C7orf78: variants seen among roughly 807,000 people sequenced by gnomAD.
C7orf78 encodes the protein chromosome 7 open reading frame 78.
At chr7:12,495,478 T>C in the C7orf78 span, among the ~76,000 whole-genome samples, 1 of 152,190 alleles carries the variant, frequency 6.6e-6, no homozygotes, top group Non-Finnish European at 1.5e-5. Context: ...AAATATGTTA[T>C]TTTACTATCC....
the C7orf78 span, among the ~76,000 whole-genome samples, chr7:12,489,531 G>C: frequency 6.6e-6 from 1 of 152,062 alleles, no homozygotes; most frequent in Non-Finnish European, 1.5e-5. Context: ...AGGACATTAA[G>C]TTATAAACTA....
At chr7:12,510,651 G>T in the C7orf78 span, among the ~76,000 whole-genome samples, 1 of 152,030 alleles carries the variant, frequency 6.6e-6, no homozygotes, top group East Asian at 1.9e-4. Context: ...TAGTGATTTA[G>T]AGCAATTTTT....
the C7orf78 span, among the ~76,000 whole-genome samples, chr7:12,513,127 C>T: frequency 4.6e-5 from 7 of 151,836 alleles, no homozygotes; most frequent in Admixed American, 6.6e-5. Flanking sequence ...CCTTGTATTT[C>T]ATTGATTCTC....
chr7:12,504,369 G>T, the C7orf78 span: 1 of 152,166 alleles, frequency 6.6e-6, no homozygotes, highest in Non-Finnish European at 1.5e-5. Context: ...TCTGACTTGA[G>T]TCTGGTAGAA....
the C7orf78 span, among the ~76,000 whole-genome samples, chr7:12,504,797 A>G: frequency 1.3e-5 from 2 of 152,168 alleles, no homozygotes; most frequent in African/African-American, 2.4e-5. Context: ...CCTTTATACA[A>G]GTTTACAAAT....
At chr7:12,529,914 TC>T in the C7orf78 span, among the ~76,000 whole-genome samples, 5 of 152,198 alleles carry the variant, frequency 3.3e-5, no homozygotes, top group Non-Finnish European at 4.4e-5. Context: ...AGTTTTGCAG[TC>T]ATATTTACAC....
At chr7:12,492,940 T>G in the C7orf78 span, among the ~76,000 whole-genome samples, 2 of 152,324 alleles carry the variant, frequency 1.3e-5, no homozygotes, top group South Asian at 4.1e-4. Flanking sequence ...CGGTGGCTCA[T>G]GCCTATAATC....
chr7:12,536,811 G>T, the C7orf78 span, among the ~76,000 whole-genome samples: 1 of 152,216 alleles, frequency 6.6e-6, no homozygotes, highest in East Asian at 1.9e-4. Context: ...TAGGCCGGGG[G>T]CAAAATGCTG....
the C7orf78 span, among the ~76,000 whole-genome samples, chr7:12,519,994 C>G: frequency 6.6e-6 from 1 of 152,146 alleles, no homozygotes; most frequent in African/African-American, 2.4e-5. Context: ...CATTGGGTCT[C>G]CAGATGAACA....
At chr7:12,490,015 A>G in the C7orf78 span, among the ~76,000 whole-genome samples, 1 of 152,128 alleles carries the variant, frequency 6.6e-6, no homozygotes, top group Non-Finnish European at 1.5e-5. Flanking sequence ...TCACAATCTT[A>G]TATTTAGCCT....
chr7:12,497,988 C>G, the C7orf78 span, among the ~76,000 whole-genome samples: 1 of 151,960 alleles, frequency 6.6e-6, no homozygotes, highest in Non-Finnish European at 1.5e-5. Context: ...ACACCTCACA[C>G]TGCAGGGTAC....
At chr7:12,484,740 T>G in the C7orf78 span, among the ~76,000 whole-genome samples, 1 of 152,220 alleles carries the variant, frequency 6.6e-6, no homozygotes, top group Non-Finnish European at 1.5e-5. Flanking sequence ...AGAAAGCACG[T>G]TGTACTTTTA....
chr7:12,538,614 T>C, the C7orf78 span, among the ~76,000 whole-genome samples: 2 of 152,144 alleles, frequency 1.3e-5, no homozygotes, highest in Non-Finnish European at 2.9e-5. Context: ...CAACTTGCCC[T>C]AAGTCCCTGC....
chr7:12,517,053 G>T, the C7orf78 span, among the ~76,000 whole-genome samples: 37 of 152,108 alleles, frequency 2.4e-4, no homozygotes, highest in African/African-American at 8.4e-4. Flanking sequence ...GAGGGGCCAG[G>T]GGTGGAATGA....
At chr7:12,524,995 T>C in the C7orf78 span, among the ~76,000 whole-genome samples, 2 of 152,282 alleles carry the variant, frequency 1.3e-5, no homozygotes, top group East Asian at 3.9e-4. Flanking sequence ...CAGATGTCAG[T>C]ATTGTTACAA....
the C7orf78 span, chr7:12,487,131 T>C: frequency 6.6e-6 from 1 of 152,072 alleles, no homozygotes; most frequent in Non-Finnish European, 1.5e-5. Context: ...TAACTCTTTT[T>C]TCTACAAATA....
chr7:12,495,063 G>T, the C7orf78 span, among the ~76,000 whole-genome samples: 1 of 152,166 alleles, frequency 6.6e-6, no homozygotes, highest in East Asian at 1.9e-4. Flanking sequence ...TTGCTCTGTG[G>T]TAAAGGAGAA....
At chr7:12,539,380 C>T in the C7orf78 span, among the ~76,000 whole-genome samples, 1 of 152,124 alleles carries the variant, frequency 6.6e-6, no homozygotes, top group Non-Finnish European at 1.5e-5. Context: ...AGGAGAATGG[C>T]ATGAACCTGG....
At chr7:12,510,846 T>C in the C7orf78 span, among the ~76,000 whole-genome samples, 16 of 152,192 alleles carry the variant, frequency 1.1e-4, no homozygotes, top group African/African-American at 3.6e-4. Flanking sequence ...CTGTAGATTA[T>C]CCCATCACTC....
Sources: allele counts gnomAD v4.1 joint callset (sites outside exome capture counted in the v4.1 genomes callset), GRCh38; gene constraint gnomAD v4.1.1; transcripts MANE v1.5; gene names NCBI Gene and HGNC (gene_info 2026-07-23, HGNC 2026-07-21).